LRBA: variants seen among roughly 807,000 people sequenced by gnomAD.
LRBA encodes the protein LPS responsive beige-like anchor protein.
In LRBA, 176 loss-of-function variants were observed where a neutral mutation model predicts 330.0. The observed-to-expected ratio is 0.53, with a 90% CI of 0.47 to 0.60. The LOEUF (loss-of-function observed/expected upper bound fraction) is 0.60, where lower values mean the gene tolerates loss of function less well. Ranked by LOEUF, LRBA falls within the 20% of genes least tolerant of loss-of-function variation. The pLI, the probability that LRBA is intolerant of heterozygous loss-of-function variation, is 0.00. For missense variants in LRBA, 3,259 were observed against 3,444.8 expected, an observed-to-expected ratio of 0.95 and a Z score of 1.35; for synonymous variants, 1,230 against 1,193.0, an observed-to-expected ratio of 1.03 and a Z score of -0.64.
At chr4:150,383,684 G>A (rs1487911660) in intron 47 of LRBA, among the ~76,000 whole-genome samples, 4 of 152,142 alleles carry the variant, frequency 2.6e-5, no homozygotes, top group Non-Finnish European at 2.9e-5. Context: ...AAATGTATAT[G>A]AATAAGATGT....
At chr4:150,909,529 T>A (rs1560992395) in intron 9 of LRBA, among the ~76,000 whole-genome samples, 2 of 152,172 alleles carry the variant, frequency 1.3e-5, no homozygotes, top group South Asian at 4.1e-4. Flanking sequence ...TATCCATTCA[T>A]CTGCTACTGG....
intron 30 of LRBA, among the ~76,000 whole-genome samples, chr4:150,820,581 A>G (rs1446870943): frequency 6.6e-6 from 1 of 152,020 alleles, no homozygotes; most frequent in African/African-American, 2.4e-5. Context: ...ATAGAGAAAT[A>G]AAATCAATTT....
chr4:150,712,105 A>T (rs1489461839), intron 36 of LRBA, among the ~76,000 whole-genome samples: 1 of 152,220 alleles, frequency 6.6e-6, no homozygotes, highest in Non-Finnish European at 1.5e-5. Context: ...AGCAGAACAT[A>T]AAGTTTTGAG....
intron 2 of LRBA, among the ~76,000 whole-genome samples, chr4:150,980,418 A>G (rs930790630): frequency 5.3e-5 from 8 of 152,240 alleles, no homozygotes; most frequent in African/African-American, 9.6e-5. Context: ...CTGGAACACA[A>G]CAAAGATGCC....
intron 2 of LRBA, among the ~76,000 whole-genome samples, chr4:150,944,818 C>G (rs997999670): frequency 6.6e-6 from 1 of 152,204 alleles, no homozygotes; most frequent in East Asian, 1.9e-4. Context: ...CCCATAATCC[C>G]TACATGTCGT....
chr4:150,392,577 T>C (rs563198962), intron 47 of LRBA, among the ~76,000 whole-genome samples: 1 of 152,282 alleles, frequency 6.6e-6, no homozygotes, highest in Non-Finnish European at 1.5e-5. Context: ...GCTAGGTAGT[T>C]TATTCTCTTT....
Position 150,467,724 on chromosome 4 carries a change from T to C in LRBA, c.6729A>G (p.Glu2243=), listed in dbSNP as rs758335612. 3.1e-6 allele frequency: 5 copies of C among 1,610,174 alleles called. No individual in the cohort carries two copies. Among genetic ancestry groups the C allele is most frequent in the South Asian group, 1.1e-5 (1 of 90,610 alleles). The part of the protein sequence containing the change: ...PVFPWVITNY[E]SEELDLTLPT... ...GCAAGGTAAGATCCAGTTCTTCTGA[T>C]TCATAATTAGTGATGACCCAAGGAA... The change falls in exon 44 of 57, where the codon GAA becomes GAG. Residue 2243 remains glutamate (E), a synonymous_variant. Coordinates refer to ENST00000651943, the MANE Select transcript of LRBA (RefSeq NM_001364905.1).
intron 13 of LRBA, among the ~76,000 whole-genome samples, chr4:150,901,987 C>T (rs1730780390): frequency 6.6e-6 from 1 of 152,062 alleles, no homozygotes; most frequent in African/African-American, 2.4e-5. Context: ...GGCACATATG[C>T]TGTCCCTAAG....
chr4:150,904,653 T>C (rs911971651), intron 13 of LRBA, among the ~76,000 whole-genome samples: 4 of 152,048 alleles, frequency 2.6e-5, no homozygotes, highest in Admixed American at 6.5e-5. Context: ...TAAAAGATTT[T>C]AAAAGTAACT....
At chr4:150,659,740 A>C (rs1272281653) in intron 37 of LRBA, among the ~76,000 whole-genome samples, 65 of 3,324 alleles carry the variant, frequency 0.02, no homozygotes, top group East Asian at 0.062. Context: ...GTCAGCCCCC[A>C]CGCCCGGCCA....
chr4:150,867,091 T>C (rs1376271653), intron 22 of LRBA, among the ~76,000 whole-genome samples: 1 of 131,420 alleles, frequency 7.6e-6, no homozygotes, highest in Non-Finnish European at 1.6e-5. Context: ...TATAAATAAC[T>C]AAACTTACTT....
chr4:150,643,913 T>C (rs1778905189), intron 37 of LRBA, among the ~76,000 whole-genome samples: 1 of 151,966 alleles, frequency 6.6e-6, no homozygotes, highest in African/African-American at 2.4e-5. Context: ...CTGCTGGTTT[T>C]GCACTACAAA....
chr4:150,957,329 C>A (rs951944755), intron 2 of LRBA, among the ~76,000 whole-genome samples: 2 of 148,432 alleles, frequency 1.3e-5, no homozygotes, highest in Non-Finnish European at 1.5e-5. Flanking sequence ...TCTTTGCAGG[C>A]AAGTGAGCAT....
chr4:150,696,690 G>C (rs1449219921), intron 36 of LRBA, among the ~76,000 whole-genome samples: 7 of 152,034 alleles, frequency 4.6e-5, no homozygotes, highest in Admixed American at 4.6e-4. Context: ...TTTGGAAAGA[G>C]AGAAAAAGAA....
In LRBA at chr4:150,436,652, G is replaced by T. The variant is rs567331305; in HGVS notation, c.6921+72C>A. On this transcript the variant is annotated intron_variant, in intron 45 of 56. Coordinates refer to ENST00000651943, the MANE Select transcript of LRBA (RefSeq NM_001364905.1). ...AGTATTCAAAAAAATATGCTTATGA[G>T]TTCTAATTTTTGCATATCCTTCACA... 1.3e-4 allele frequency: 167 copies of T among 1,314,120 alleles called. 1 individual carries two copies. The East Asian group carries it at 3.3e-3, about 26-fold the overall frequency. 81.4% of individuals were successfully genotyped at this position (1,314,120 alleles called of 1,614,324 possible).
In LRBA at chr4:150,636,071, A is replaced by C. The variant is rs183129421; in HGVS notation, c.5922-36940T>G. ...TGATACTATGATCTTCTTAATAGAT[A>C]TAGCCTAAAAGGAAGCACATGGTTT... On this transcript the variant is annotated intron_variant, in intron 37 of 56. Coordinates refer to ENST00000651943, the MANE Select transcript of LRBA (RefSeq NM_001364905.1). 4.8e-4 allele frequency among the ~76,000 whole-genome samples: 73 copies of C among 152,100 alleles called. 1 individual carries two copies. The highest frequency in any genetic ancestry group is 3.9e-3 in the Admixed American group (59 of 15,278).
chr4:150,306,100 C>T (rs1223093554), intron 52 of LRBA, among the ~76,000 whole-genome samples: 3 of 152,104 alleles, frequency 2.0e-5, no homozygotes, highest in Non-Finnish European at 4.4e-5. Flanking sequence ...AATTCAAGCT[C>T]AGGACTCTGC....
At chr4:150,440,742 A>G (rs1751715029) in intron 44 of LRBA, among the ~76,000 whole-genome samples, 1 of 152,082 alleles carries the variant, frequency 6.6e-6, no homozygotes, top group African/African-American at 2.4e-5. Flanking sequence ...CCTGGGTGAC[A>G]GAGTGAGACC....
chr4:150,595,699 T>C (rs530114275), intron 38 of LRBA, among the ~76,000 whole-genome samples: 1 of 152,094 alleles, frequency 6.6e-6, no homozygotes, highest in African/African-American at 2.4e-5. Context: ...CACACTGATA[T>C]GAAAATCTGG....
Sources: allele counts gnomAD v4.1 joint callset (sites outside exome capture counted in the v4.1 genomes callset), GRCh38; gene constraint gnomAD v4.1.1; transcripts MANE v1.5; gene names NCBI Gene and HGNC (gene_info 2026-07-23, HGNC 2026-07-21).